MAGI3: variants seen among roughly 807,000 people sequenced by gnomAD.
MAGI3 encodes the protein membrane associated guanylate kinase, WW and PDZ domain containing 3, also known as membrane-associated guanylate kinase, WW and PDZ domain-containing protein 3.
Under a neutral mutation model 121.8 loss-of-function variants are expected in MAGI3, and 43 were observed. The ratio of observed to expected loss-of-function variants is 0.35; its 90% CI spans 0.28 to 0.46. The LOEUF (loss-of-function observed/expected upper bound fraction) is 0.46. Ranked by LOEUF, MAGI3 falls within the 20% of genes least tolerant of loss-of-function variation. The pLI is 1.00. For synonymous variants in MAGI3, 553 were observed against 639.3 expected, an observed-to-expected ratio of 0.86 and a Z score of 2.04; for missense variants, 1,547 against 1,797.3, an observed-to-expected ratio of 0.86 and a Z score of 2.52.
At chr1:113,451,300 G>C (rs75090054) in intron 1 of MAGI3, among the ~76,000 whole-genome samples, 3,546 of 152,190 alleles carry the variant, frequency 0.023, 134 homozygotes, top group African/African-American at 0.081. Context: ...AAACAGCTTT[G>C]AGAGTATACA....
chr1:113,403,466 ATAATT>A (rs1317080043), intron 1 of MAGI3, among the ~76,000 whole-genome samples: 31 of 152,290 alleles, frequency 2.0e-4, no homozygotes, highest in Non-Finnish European at 1.5e-4. Context: ...TGTTTTTAAT[ATAATT>A]TAATTGTAAT....
chr1:113,645,212 T>C (rs547917009), intron 11 of MAGI3, among the ~76,000 whole-genome samples: 1 of 152,152 alleles, frequency 6.6e-6, no homozygotes, highest in South Asian at 2.1e-4. Flanking sequence ...TTGGTAGAGA[T>C]GGAGTTTCAC....
intron 6 of MAGI3, among the ~76,000 whole-genome samples, chr1:113,610,555 A>C (rs1650058302): frequency 6.6e-6 from 1 of 152,104 alleles, no homozygotes; most frequent in Non-Finnish European, 1.5e-5. Context: ...ACTCAAATGT[A>C]ACACCTTCCC....
At chr1:113,588,149 TGTG>T (rs1205369699) in intron 4 of MAGI3, among the ~76,000 whole-genome samples, 2 of 152,232 alleles carry the variant, frequency 1.3e-5, no homozygotes, top group East Asian at 1.9e-4. Flanking sequence ...GGTGGTAAGA[TGTG>T]GTGGTCAAGG....
intron 1 of MAGI3, among the ~76,000 whole-genome samples, chr1:113,443,762 G>GA (rs892380293): frequency 6.6e-6 from 1 of 152,172 alleles, no homozygotes; most frequent in Non-Finnish European, 1.5e-5. Context: ...TTGTTTTTAA[G>GA]AAAAGTGTTT....
intron 1 of MAGI3, among the ~76,000 whole-genome samples, chr1:113,427,049 C>G (rs1201050124): frequency 2.0e-5 from 3 of 151,796 alleles, no homozygotes; most frequent in South Asian, 2.1e-4. Context: ...AGACAGTCAC[C>G]CTGTTTAGGT....
intron 1 of MAGI3, among the ~76,000 whole-genome samples, chr1:113,419,054 C>T (rs761251309): frequency 6.6e-6 from 1 of 151,984 alleles, no homozygotes; most frequent in Non-Finnish European, 1.5e-5. Flanking sequence ...TTAACTAATG[C>T]AGTACTTGTT....
chr1:113,406,213 G>T (rs1651671772), intron 1 of MAGI3, among the ~76,000 whole-genome samples: 1 of 151,224 alleles, frequency 6.6e-6, no homozygotes, highest in African/African-American at 2.4e-5. Context: ...ACTGAGGTGG[G>T]AGGACTGCTT....
intron 16 of MAGI3, among the ~76,000 whole-genome samples, chr1:113,669,946 T>A (rs1239927933): frequency 7.3e-6 from 1 of 137,120 alleles, no homozygotes; most frequent in East Asian, 2.2e-4. Context: ...TTAAAGTTAC[T>A]CAAGAAAAAT....
At chr1:113,664,857 T>C (rs1653954307) in intron 16 of MAGI3, among the ~76,000 whole-genome samples, 1 of 152,238 alleles carries the variant, frequency 6.6e-6, no homozygotes, top group Non-Finnish European at 1.5e-5. Flanking sequence ...GTTGTTGATA[T>C]TTATTGGATA....
chr1:113,606,691 T>C (rs1234067049), intron 6 of MAGI3, among the ~76,000 whole-genome samples: 2 of 152,176 alleles, frequency 1.3e-5, no homozygotes, highest in African/African-American at 4.8e-5. Context: ...AATTGACATC[T>C]TTCTCCTAAT....
In MAGI3 at chr1:113,391,217, G is replaced by A; in HGVS notation, c.184G>A (p.Gly62Ser). The A allele has an allele frequency of 6.4e-7, 1 of 1,556,494 alleles. No individual in the cohort carries two copies. Among genetic ancestry groups the A allele is most frequent in the Non-Finnish European group, 8.7e-7 (1 of 1,150,718 alleles). ...PGGGTCCVVSGKAPSPGDVLL... is the reference protein window; with the variant it reads ...PGGGTCCVVSSKAPSPGDVLL... ...CGGGGGCACCTGCTGCGTCGTCTCGGGCAAGGCGCCCAGCCCAGGCGATGT... is the reference window on the plus strand; with the variant it reads ...CGGGGGCACCTGCTGCGTCGTCTCGAGCAAGGCGCCCAGCCCAGGCGATGT... The change falls in exon 1 of 21, where the codon GGC becomes AGC. Residue 62 changes from glycine (G) to serine (S), a missense_variant. Transcript: ENST00000307546. This position sits in a 1 kb window ranked among gnomAD's most constrained non-coding sequence, Gnocchi z 4.4.
chr1:113,660,773 T>TTG (rs1374603689), intron 16 of MAGI3, among the ~76,000 whole-genome samples: 2 of 148,788 alleles, frequency 1.3e-5, no homozygotes, highest in African/African-American at 5.0e-5. Context: ...TTAATTTTTT[T>TTG]TTTTTTTTTT....
At chr1:113,505,296 C>G (rs1407341929) in intron 1 of MAGI3, among the ~76,000 whole-genome samples, 2 of 151,980 alleles carry the variant, frequency 1.3e-5, no homozygotes, top group Non-Finnish European at 2.9e-5. Flanking sequence ...TATTTTTTGT[C>G]CTATATTTTA....
chr1:113,670,518 CAT>C (rs1267579392), intron 16 of MAGI3, among the ~76,000 whole-genome samples: 2 of 152,130 alleles, frequency 1.3e-5, no homozygotes, highest in African/African-American at 4.8e-5. Context: ...TCAGCTTCCA[CAT>C]GTTTTTCTAA....
At chr1:113,568,265 G>A (rs1020147331) in intron 2 of MAGI3, among the ~76,000 whole-genome samples, 1 of 151,988 alleles carries the variant, frequency 6.6e-6, no homozygotes, top group African/African-American at 2.4e-5. Context: ...ACTTACCATA[G>A]CATATAAGTT....
In MAGI3 at chr1:113,502,736, A is replaced by G. The variant is rs905130609; in HGVS notation, c.317-46779A>G. ...TTACTGGGTATATACCCAAAGGACTATAAATCATGCTGCTATAAAGACACA... is the reference window on the plus strand; with the variant it reads ...TTACTGGGTATATACCCAAAGGACTGTAAATCATGCTGCTATAAAGACACA... On this transcript the variant is annotated intron_variant, in intron 1 of 20. Transcript: ENST00000307546. Among the ~76,000 whole-genome samples, 22 of 40,598 alleles carry G rather than the reference A, an allele frequency of 5.4e-4. 7 individuals are homozygous for G. In the East Asian group the frequency reaches 0.021, roughly 39 times the overall value. The allele number at this position is 40,598 out of a possible 152,430, so 26.6% of individuals were successfully genotyped here. A position where few individuals can be genotyped will look rare whatever the true frequency, so the allele number is the denominator to read the frequency against.
intron 4 of MAGI3, 110 bp from the exon 5 acceptor site, chr1:113,590,374 A>C: frequency 9.7e-7 from 1 of 1,032,870 alleles, no homozygotes; most frequent in East Asian, 2.5e-5. Flanking sequence ...AATAGACAAG[A>C]AATTTGCCAT....
At chr1:113,646,370 T>G in intron 11 of MAGI3, 116 bp from the exon 12 acceptor site, 1 of 760,880 alleles carries the variant, frequency 1.3e-6, no homozygotes, top group Non-Finnish European at 2.0e-6. Context: ...GTGTCTTTGA[T>G]CCTGCCACCT....
Sources: allele counts gnomAD v4.1 joint callset (sites outside exome capture counted in the v4.1 genomes callset), GRCh38; gene constraint gnomAD v4.1.1; non-coding constraint Gnocchi (gnomAD v3.1); transcripts MANE v1.5; gene names NCBI Gene and HGNC (gene_info 2026-07-23, HGNC 2026-07-21).